Variants in NEO1 observed in about 807,000 individuals in gnomAD.
NEO1 encodes the protein neogenin 1, also known as neogenin.
A neutral mutation model predicts 159.7 loss-of-function variants in NEO1; 63 were observed. That is an observed-to-expected ratio of 0.39 (90% CI 0.32 to 0.49). NEO1 has a LOEUF of 0.49. Among genes scored for constraint, NEO1 ranks in the 20% least tolerant of loss-of-function variants. The pLI, the probability that NEO1 is intolerant of heterozygous loss-of-function variation, is 0.85. For missense variants in NEO1, 1,615 were observed against 1,831.0 expected, an observed-to-expected ratio of 0.88 and a Z score of 2.15; for synonymous variants, 633 against 662.0, an observed-to-expected ratio of 0.96 and a Z score of 0.67.
intron 1 of NEO1, among the ~76,000 whole-genome samples, chr15:73,097,996 G>T (rs188801016): frequency 1.5e-3 from 233 of 151,802 alleles, no homozygotes; most frequent in African/African-American, 5.3e-3. Context: ...TAATGTTACT[G>T]ATTTTTACAT....
rs369857668 is a variant in NEO1 at position 73,260,330 on chromosome 15, G to T, written c.2263G>T (p.Val755Leu). ...LHVRPLVTSI[V>L]VSWTPPENQN... is the part of the protein sequence containing the mutation. ...CGTACGCCCGCTCGTTACTAGCATCGTAGTGAGCTGGACTCCTCCAGAGAA... is the reference window on the plus strand; with the variant it reads ...CGTACGCCCGCTCGTTACTAGCATCTTAGTGAGCTGGACTCCTCCAGAGAA... The change falls in exon 15 of 29, where the codon GTA becomes TTA. Residue 755 changes from valine (V) to leucine (L), a missense_variant. Val to Leu is a conservative substitution (Grantham distance 32, BLOSUM62 1). Around this residue, in one of 3 missense-constraint regions of NEO1, gnomAD observed 1,018 missense variants for 1,115.4 expected, o/e 0.91. Transcript: ENST00000261908. 13 of 1,613,804 alleles carry T rather than the reference G, an allele frequency of 8.1e-6. No individual in the cohort carries two copies. Among genetic ancestry groups the T allele is most frequent in the African/African-American group, 1.3e-5 (1 of 74,848 alleles).
chr15:73,218,713 T>C (rs181621950), intron 7 of NEO1, among the ~76,000 whole-genome samples: 21 of 152,372 alleles, frequency 1.4e-4, no homozygotes, highest in Admixed American at 5.2e-4. Flanking sequence ...TTTATTTGCA[T>C]AGAGGTGATT....
intron 1 of NEO1, among the ~76,000 whole-genome samples, chr15:73,096,049 C>G (rs1395263667): frequency 1.3e-5 from 2 of 152,070 alleles, no homozygotes; most frequent in African/African-American, 4.8e-5. Flanking sequence ...GGGGACAGTG[C>G]CCCCAAAGAA....
chr15:73,194,523 GTTCCAGGCTCTTTTA>G (rs974781416), intron 7 of NEO1, among the ~76,000 whole-genome samples: 1 of 152,132 alleles, frequency 6.6e-6, no homozygotes, highest in African/African-American at 2.4e-5. Flanking sequence ...AGAGGAGGAG[GTTCCAGGCTCTTTTA>G]AACAACCAGT....
At chr15:73,225,895 C>T (rs777690629) in intron 7 of NEO1, among the ~76,000 whole-genome samples, 14 of 152,180 alleles carry the variant, frequency 9.2e-5, no homozygotes, top group Non-Finnish European at 1.8e-4. Flanking sequence ...TCCGGTTGCC[C>T]TCCCAAAGGA....
intron 6 of NEO1, 98 bp from the exon 7 acceptor site, chr15:73,178,209 T>A: frequency 9.0e-7 from 1 of 1,115,100 alleles, no homozygotes; most frequent in Non-Finnish European, 1.3e-6. Flanking sequence ...ATAAAAACTT[T>A]ACTTGTTTTT....
At chr15:73,114,552 T>C (rs1279130147) in intron 1 of NEO1, among the ~76,000 whole-genome samples, 7 of 152,210 alleles carry the variant, frequency 4.6e-5, no homozygotes, top group Non-Finnish European at 2.9e-5. Context: ...CAAACACATA[T>C]ACTTTTTTTC....
chr15:73,145,572 A>G (rs192391257), intron 5 of NEO1, among the ~76,000 whole-genome samples: 5 of 152,332 alleles, frequency 3.3e-5, no homozygotes, highest in East Asian at 3.9e-4. Context: ...CAGCCTACCT[A>G]TGTATCAGAA....
At chr15:73,209,187 TC>T in intron 7 of NEO1, among the ~76,000 whole-genome samples, 1 of 152,332 alleles carries the variant, frequency 6.6e-6, no homozygotes, top group South Asian at 2.1e-4. Context: ...TTCTTATACT[TC>T]TCATTTATGA....
chr15:73,254,940 T>C (rs2040266700), intron 13 of NEO1, 111 bp downstream of exon 13: 1 of 1,240,450 alleles, frequency 8.1e-7, no homozygotes, highest in African/African-American at 1.5e-5. Context: ...AAATTTAAAA[T>C]GGTTCAGAAA....
chr15:73,293,319 C>T (rs2042228014), intron 25 of NEO1, 71 bp from the exon 26 acceptor site: 1 of 1,581,090 alleles, frequency 6.3e-7, no homozygotes, highest in African/African-American at 1.3e-5. Context: ...GGTGACTTTG[C>T]TCTTAAACTG....
At chr15:73,260,529 T>A in intron 15 of NEO1, 64 bp downstream of exon 15, 1 of 1,348,586 alleles carries the variant, frequency 7.4e-7, no homozygotes, top group Non-Finnish European at 9.8e-7. Context: ...ACCTTTTATG[T>A]AATATTTTTA....
At chr15:73,208,225 A>G (rs2037344803) in intron 7 of NEO1, among the ~76,000 whole-genome samples, 1 of 152,232 alleles carries the variant, frequency 6.6e-6, no homozygotes, top group Middle Eastern at 3.2e-3. Context: ...AATTGATTAT[A>G]AGCTATCTTT....
At position 73,206,098 on chromosome 15, in the gene NEO1, G is replaced by A. The variant is rs141985580; in HGVS notation, c.1291+27671G>A. ...ATTTTTTGTATTTTAGTAGAGATGA[G>A]GTTTCACCATGTTGCCCAGGGTGGT... is the stretch of plus-strand genomic sequence containing the variant. On this transcript the variant is annotated intron_variant, in intron 7 of 28. Transcript: ENST00000261908. Among the ~76,000 whole-genome samples the A allele has an allele frequency of 4.6e-5, 7 of 152,098 alleles. 1 individual carries two copies. Among genetic ancestry groups the A allele is most frequent in the African/African-American group, 1.7e-4 (7 of 41,512 alleles).
intron 15 of NEO1, among the ~76,000 whole-genome samples, chr15:73,261,889 T>C (rs370907678): frequency 2.0e-5 from 3 of 152,192 alleles, no homozygotes; most frequent in East Asian, 3.8e-4. Flanking sequence ...TGTCTTCTTA[T>C]AATTGAGACA....
intron 4 of NEO1, among the ~76,000 whole-genome samples, chr15:73,134,580 T>C (rs956461621): frequency 9.2e-5 from 14 of 152,102 alleles, no homozygotes; most frequent in African/African-American, 3.1e-4. Context: ...AGATGGAGTC[T>C]TGCTCTGTTG....
rs2042051294 is a variant in NEO1 at position 73,288,838 on chromosome 15, A to C, written c.3649+287A>C. Among the ~76,000 whole-genome samples, 3 of 152,080 alleles carry C rather than the reference A, an allele frequency of 2.0e-5. No individual in the cohort carries two copies. In the South Asian group the frequency reaches 6.2e-4, roughly 32 times the overall value. On this transcript the variant is annotated intron_variant, in intron 24 of 28. Coordinates refer to ENST00000261908, the MANE Select transcript of NEO1 (RefSeq NM_002499.4). Reference sequence around the variant, plus strand: ...GAGGCTAGCTAGCCCATGTCTGTGCATTTCATTCTGTGTCTTCAGCTGGCT... The same window carrying C: ...GAGGCTAGCTAGCCCATGTCTGTGCCTTTCATTCTGTGTCTTCAGCTGGCT...
intron 6 of NEO1, 132 bp downstream of exon 6, chr15:73,176,689 A>G: frequency 3.3e-6 from 2 of 609,128 alleles, no homozygotes; most frequent in Non-Finnish European, 5.2e-6. Flanking sequence ...TTCACATAGA[A>G]TGTAATACCT....
At chr15:73,105,952 C>T (rs1210311006) in intron 1 of NEO1, among the ~76,000 whole-genome samples, 2 of 152,154 alleles carry the variant, frequency 1.3e-5, no homozygotes, top group African/African-American at 4.8e-5. Context: ...GGATGACACT[C>T]AAATTGTGTG....
Sources: gnomAD v4.1 joint callset for allele counts (sites outside exome capture counted in the v4.1 genomes callset) on GRCh38, gnomAD v4.1.1 for gene constraint, gnomAD v4.1.1 regional missense constraint, MANE v1.5 for transcripts, NCBI Gene and HGNC (gene_info 2026-07-23, HGNC 2026-07-21) for gene names.